The following LAMA2 variants were observed in gnomAD, a reference collection of about 807,000 sequenced individuals.
LAMA2 encodes laminin subunit alpha-2.
In LAMA2, 269 loss-of-function variants were observed where a neutral mutation model predicts 364.8. The ratio of observed to expected loss-of-function variants is 0.74; its 90% confidence interval spans 0.67 to 0.82. LAMA2 has a LOEUF of 0.82. Ranked by LOEUF, LAMA2 falls within the 40% of genes least tolerant of loss-of-function variation. The pLI, the probability that LAMA2 is intolerant of heterozygous loss-of-function variation, is 0.00. For missense variants in LAMA2, 3,807 were observed against 3,873.2 expected (o/e 0.98, Z 0.45); for synonymous variants, 1,379 against 1,370.6 (o/e 1.01, Z -0.14).
intron 10 of LAMA2, among the ~76,000 whole-genome samples, chr6:129,180,268 AG>A (rs1325456117): frequency 6.6e-6 from 1 of 152,120 alleles, no homozygotes; most frequent in Non-Finnish European, 1.5e-5. Flanking sequence ...TTTTAGCAGA[AG>A]GGGAAGAATA....
At chr6:129,119,738 C>T (rs909915232) in intron 4 of LAMA2, among the ~76,000 whole-genome samples, 1 of 152,038 alleles carries the variant, frequency 6.6e-6, no homozygotes, top group Non-Finnish European at 1.5e-5. Flanking sequence ...TTAGTACAGA[C>T]GGGGTTTCAC....
rs1186086973 is a variant in LAMA2, at chr6:129,315,775, G to A, written c.3749G>A (p.Gly1250Glu). The change falls in exon 26 of 65, where the codon GGG becomes GAG. Residue 1250 changes from glycine (G) to glutamate (E), a missense_variant. This residue lies in a region of LAMA2 where 3,333 missense variants were observed against 3,345.7 expected (regional missense o/e 1.00). Coordinates refer to ENST00000421865, the MANE Select transcript of LAMA2 (RefSeq NM_000426.4). ...QFEGKKLMAY[G>E]GKLKYAIYFE... ...TTATTTTGTCAGTTGATGGCCTATG[G>A]GGGCAAACTCAAGTATGCAATCTAT... is the stretch of plus-strand genomic sequence containing the variant. 1.2e-6 allele frequency: 2 copies of A among 1,613,928 alleles called. No homozygotes were observed.
intron 29 of LAMA2, among the ~76,000 whole-genome samples, chr6:129,335,366 A>C (rs1252563544): frequency 1.3e-5 from 2 of 151,440 alleles, no homozygotes; most frequent in South Asian, 2.1e-4. Flanking sequence ...GTAGATAGAT[A>C]GATAGATAGA....
chr6:129,062,919 T>A (rs1403495995), intron 3 of LAMA2, among the ~76,000 whole-genome samples: 3 of 151,418 alleles, frequency 2.0e-5, no homozygotes, highest in Non-Finnish European at 2.9e-5. Context: ...TGGGTTTTTT[T>A]TTTTTTTTTT....
chr6:129,108,941 A>G (rs1775984867), intron 4 of LAMA2, among the ~76,000 whole-genome samples: 3 of 152,202 alleles, frequency 2.0e-5, no homozygotes. Context: ...ATCACATTAC[A>G]GGAGATCCAA....
intron 8 of LAMA2, among the ~76,000 whole-genome samples, chr6:129,161,055 T>G (rs1043557525): frequency 5.3e-5 from 8 of 152,206 alleles, no homozygotes; most frequent in African/African-American, 1.4e-4. Context: ...TTTGAAGCAC[T>G]GTTATGAGGC....
chr6:128,961,334 T>G (rs1009414532), intron 1 of LAMA2, among the ~76,000 whole-genome samples: 2 of 40,782 alleles, frequency 4.9e-5, no homozygotes. Flanking sequence ...TATATATATA[T>G]ATATATATAT....
At chr6:128,914,556 A>G (rs574129455) in intron 1 of LAMA2, among the ~76,000 whole-genome samples, 1 of 152,326 alleles carries the variant, frequency 6.6e-6, no homozygotes, top group African/African-American at 2.4e-5. Context: ...CTAATTTTAA[A>G]ATAGCTATGC....
At chr6:129,364,897 C>T (rs1052984618) in intron 32 of LAMA2, among the ~76,000 whole-genome samples, 2 of 152,200 alleles carry the variant, frequency 1.3e-5, no homozygotes, top group Non-Finnish European at 2.9e-5. Context: ...AAAGCTGGAG[C>T]AGGCATCTTC....
chr6:128,975,664 A>G (rs4317429), intron 1 of LAMA2, among the ~76,000 whole-genome samples: 149,779 of 152,244 alleles, frequency 0.98, 73,726 homozygotes, highest in East Asian at 1. Context: ...TGCTTTTCTC[A>G]TGATAGTGAA....
At chr6:129,255,200 G>A (rs527424568) in intron 14 of LAMA2, among the ~76,000 whole-genome samples, 2 of 151,966 alleles carry the variant, frequency 1.3e-5, no homozygotes, top group East Asian at 1.9e-4. Flanking sequence ...GAGGTCAGTT[G>A]TTCGAGACCA....
intron 1 of LAMA2, among the ~76,000 whole-genome samples, chr6:128,961,890 A>G (rs1331359929): frequency 6.6e-6 from 1 of 151,676 alleles, no homozygotes; most frequent in Non-Finnish European, 1.5e-5. Context: ...GGATCTGGAT[A>G]CCTAACTAAG....
intron 4 of LAMA2, among the ~76,000 whole-genome samples, chr6:129,125,992 C>A (rs75600207): frequency 0.039 from 5,860 of 151,950 alleles, 384 homozygotes; most frequent in African/African-American, 0.13. Flanking sequence ...ATACTTATAC[C>A]CATATTTAAA....
chr6:128,996,865 T>C (rs1180073168), intron 1 of LAMA2, among the ~76,000 whole-genome samples: 4 of 152,150 alleles, frequency 2.6e-5, no homozygotes, highest in Non-Finnish European at 5.9e-5. Context: ...AGCAAAGACT[T>C]GGAACCAACC....
At chr6:129,146,922 A>G (rs937910663) in intron 5 of LAMA2, 37 bp from the exon 6 acceptor site, 3 of 1,297,350 alleles carry the variant, frequency 2.3e-6, no homozygotes, top group Non-Finnish European at 3.4e-6. Flanking sequence ...CCTTGCAGTC[A>G]TCTTAACAGG....
At chr6:129,075,349 T>C (rs960363630) in intron 3 of LAMA2, among the ~76,000 whole-genome samples, 5 of 152,148 alleles carry the variant, frequency 3.3e-5, no homozygotes, top group African/African-American at 1.2e-4. Context: ...CAGGTCTTCT[T>C]AGCTCCTGAA....
intron 15 of LAMA2, 72 bp from the exon 16 acceptor site, chr6:129,267,030 AAAAC>A: frequency 1.1e-6 from 1 of 934,036 alleles, no homozygotes; most frequent in Non-Finnish European, 1.8e-6. Context: ...CTGTTATCAG[AAAAC>A]AAACACAAAC....
chr6:129,356,402 C>T (rs141805647), intron 32 of LAMA2, among the ~76,000 whole-genome samples: 13 of 152,184 alleles, frequency 8.5e-5, no homozygotes, highest in Non-Finnish European at 1.6e-4. Flanking sequence ...TTTAAAGGCT[C>T]ACCTTGACTG....
intron 1 of LAMA2, among the ~76,000 whole-genome samples, chr6:128,888,259 G>A (rs1776259815): frequency 6.6e-6 from 1 of 152,158 alleles, no homozygotes. Context: ...GAGGTCAGAA[G>A]TTGTGAAGGA....
Sources: allele counts gnomAD v4.1 joint callset (sites outside exome capture counted in the v4.1 genomes callset), GRCh38; gene constraint gnomAD v4.1.1; regional missense constraint gnomAD v4.1.1; transcripts MANE v1.5; gene names NCBI Gene and HGNC (gene_info 2026-07-23, HGNC 2026-07-21).